The following KRT6C variants were observed in gnomAD, a reference collection of about 807,000 sequenced individuals.
The protein encoded by KRT6C is keratin 6C.
Under a neutral mutation model 49.4 loss-of-function variants are expected in KRT6C, and 46 were observed. The ratio of observed to expected loss-of-function variants is 0.93; its 90% CI spans 0.74 to 1.19. The LOEUF (loss-of-function observed/expected upper bound fraction) is 1.19, where lower values mean the gene tolerates loss of function less well. KRT6C is among the 50% of genes most tolerant of loss of function. The probability of loss-of-function intolerance (pLI) is 0.00; values close to 1 mark genes in which losing one functional copy is unlikely to be tolerated. For missense variants in KRT6C, 552 were observed against 737.5 expected (o/e 0.75, Z 2.91); for synonymous variants, 236 against 297.1 (o/e 0.79, Z 2.12).
In KRT6C at chr12:52,469,366, A is replaced by G. The variant is rs369795126; in HGVS notation, c.1459+45T>C. 2.4e-5 allele frequency: 39 copies of G among 1,613,944 alleles called. No homozygotes were observed. The African/African-American group carries it at 4.0e-4, about 17-fold the overall frequency. On this transcript the variant is annotated intron_variant, in intron 8 of 8. Coordinates refer to ENST00000252250, the MANE Select transcript of KRT6C (RefSeq NM_173086.5). The stretch of plus-strand genomic sequence containing the variant: ...TCATCCTGCCGGCCTGAGCCCAGTC[A>G]GAAGAGTGCGAGGGCAGGGGAGGAA...
At position 52,472,273 on chromosome 12, in the gene KRT6C, A is replaced by T. The variant is rs1233913017; in HGVS notation, c.548T>A (p.Phe183Tyr). Residue 183 changes from phenylalanine (F) to tyrosine (Y), a missense_variant, in exon 2 of 9, where the codon TTC (phenylalanine) becomes TAC (tyrosine). Physicochemically the swap from Phe to Tyr is conservative, Grantham distance 22. Transcript: ENST00000252250. ...CAGAACCTTGTTCTGCTGCTCTAGG[A>T]ACCGCACCTGGAAGGGAAGCAAGAT... ...KFASFIDKVR[F>Y]LEQQNKVLDT... The T allele has an allele frequency of 7.1e-7, 1 of 1,411,172 alleles. No homozygotes were observed. The highest frequency in any genetic ancestry group is 1.9e-5 in the Admixed American group (1 of 53,922). 87.4% of individuals were successfully genotyped at this position (1,411,172 alleles called of 1,614,324 possible). A position where few individuals can be genotyped will look rare whatever the true frequency, so the allele number is the denominator to read the frequency against.
Position 52,469,284 on chromosome 12 carries a change from G to A in KRT6C, c.1473C>T (p.Ser491=). 6.2e-7 allele frequency: 1 copy of A among 1,613,974 alleles called. No individual in the cohort carries two copies. The highest frequency in any genetic ancestry group is 8.5e-7 in the Non-Finnish European group (1 of 1,179,854). The stretch of plus-strand genomic sequence containing the variant: ...CACCGCCATAGCCACTGGAGATGGT[G>A]GACTGTACTACAGCTGTGGTGGGGA... The part of the protein sequence containing the change: ...VGQVNVSVVQ[S]TISSGYGGAS... The change falls in exon 9 of 9, where the codon TCC becomes TCT. Residue 491 remains serine, a synonymous_variant. Coordinates refer to ENST00000252250, the MANE Select transcript of KRT6C (RefSeq NM_173086.5).
At chr12:52,472,938 T>C (rs1240295166) in intron 1 of KRT6C, among the ~76,000 whole-genome samples, 1 of 149,674 alleles carries the variant, frequency 6.7e-6, no homozygotes, top group Non-Finnish European at 1.5e-5. Flanking sequence ...CCTACTCCAC[T>C]CTCTGATGGC....
intron 1 of KRT6C, 91 bp downstream of exon 1, chr12:52,473,107 C>T: frequency 3.7e-6 from 5 of 1,357,556 alleles, no homozygotes; most frequent in East Asian, 6.6e-5. Context: ...ATCCCCTTCT[C>T]CCTCCCTCCT....
chr12:52,471,923 T>C, intron 2 of KRT6C, 143 bp downstream of exon 2: 4 of 1,108,090 alleles, frequency 3.6e-6, no homozygotes, highest in Non-Finnish European at 4.1e-6. Context: ...CCCATAACCA[T>C]CTGTGGTTCT....
In KRT6C at chr12:52,469,464, G is replaced by A. The variant is rs778695494; in HGVS notation, c.1425-19C>T. The A allele has an allele frequency of 9.9e-6, 16 of 1,613,854 alleles. No homozygotes were observed. Among genetic ancestry groups the A allele is most frequent in the Admixed American group, 3.3e-5 (2 of 59,998 alleles). On this transcript the variant is annotated intron_variant, in intron 7 of 8. Transcript: ENST00000252250. ...ATTCAGCCTGTGGAGAGGAACACAG[G>A]GAGGGTGAGACCTCAGAGAGCTCTT...
At chr12:52,470,296 T>G (rs1937852311) in intron 6 of KRT6C, 32 of 821,820 alleles carry the variant, frequency 3.9e-5, no homozygotes, top group Middle Eastern at 2.2e-4. Context: ...ACCTGACTGT[T>G]GAGACCTGGC....
chr12:52,470,257 A>G, intron 6 of KRT6C: 1 of 626,262 alleles, frequency 1.6e-6, no homozygotes, highest in East Asian at 2.9e-5. Context: ...CAAAATTATG[A>G]CCATCTGTAG....
chr12:52,470,075 C>A (rs1374810391), intron 6 of KRT6C, 185 bp from the exon 7 acceptor site: 3 of 744,328 alleles, frequency 4.0e-6, no homozygotes, highest in Non-Finnish European at 6.7e-6. Flanking sequence ...AAGTCCTATG[C>A]CCCTTGTATT....
chr12:52,469,303 G>T lies in KRT6C; in HGVS notation c.1460-6C>A. On this transcript the variant is annotated splice_polypyrimidine_tract_variant and splice_region_variant and intron_variant, in intron 8 of 8. Coordinates refer to ENST00000252250, the MANE Select transcript of KRT6C (RefSeq NM_173086.5). Reference sequence around the variant, plus strand: ...GATGGTGGACTGTACTACAGCTGTGGTGGGGAGGGGACAAGGACACAAGAA... The same window carrying T: ...GATGGTGGACTGTACTACAGCTGTGTTGGGGAGGGGACAAGGACACAAGAA... The T allele has an allele frequency of 6.2e-7, 1 of 1,613,988 alleles. No homozygotes were observed. The highest frequency in any genetic ancestry group is 1.7e-5 in the Admixed American group (1 of 60,018).
Position 52,470,093 on chromosome 12 carries a change from C to T in KRT6C, c.1204-203G>A, listed in dbSNP as rs540067987. ...TCCTATGCCCCTTGTATTAAGCACC[C>T]GCATGAGAATGTGCGTTGCATCTTA... On this transcript the variant is annotated intron_variant, in intron 6 of 8. Coordinates refer to ENST00000252250, the MANE Select transcript of KRT6C (RefSeq NM_173086.5). 1.4e-3 allele frequency: 951 copies of T among 683,162 alleles called. 4 individuals are homozygous for T. The highest frequency in any genetic ancestry group is 2.0e-3 in the Non-Finnish European group (815 of 400,246). The allele number at this position is 683,162 out of a possible 1,614,324, so 42.3% of individuals were successfully genotyped here. A position where few individuals can be genotyped will look rare whatever the true frequency, so the allele number is the denominator to read the frequency against.
intron 5 of KRT6C, among the ~76,000 whole-genome samples, 180 bp downstream of exon 5, chr12:52,470,952 T>A (rs1453419262): frequency 2.0e-5 from 3 of 152,196 alleles, no homozygotes; most frequent in African/African-American, 7.2e-5. Flanking sequence ...TGCATTGGGT[T>A]CTTTTTCCTC....
Position 52,468,948 on chromosome 12 carries a change from A to G in KRT6C, c.*114T>C, listed in dbSNP as rs1565807201. The G allele has an allele frequency of 1.5e-6, 2 of 1,343,512 alleles. No homozygotes were observed. Among genetic ancestry groups the G allele is most frequent in the Non-Finnish European group, 2.1e-6 (2 of 954,992 alleles). 83.2% of individuals were successfully genotyped at this position (1,343,512 alleles called of 1,614,324 possible). ...GCACTAAGCATCCATACCCAGCTCT[A>G]CCTCGGAGAGCAGGGAAGACTAGAG... On this transcript the variant is annotated 3_prime_UTR_variant, in exon 9 of 9. Transcript: ENST00000252250.
intron 5 of KRT6C, 46 bp downstream of exon 5, chr12:52,471,086 A>C: frequency 6.2e-7 from 1 of 1,614,096 alleles, no homozygotes; most frequent in Non-Finnish European, 8.5e-7. Context: ...CTGGTATTCC[A>C]GGATGGACAC....
intron 6 of KRT6C, 59 bp from the exon 7 acceptor site, chr12:52,469,949 C>T: frequency 6.3e-7 from 1 of 1,594,086 alleles, no homozygotes; most frequent in Non-Finnish European, 8.6e-7. Context: ...GAGGCTGGCC[C>T]TTGTTTAGTG....
rs768458923 is a variant in KRT6C at position 52,469,196 on chromosome 12, GA to G, written c.1560del (p.Gly522AlafsTer75). ...GGGSSYSYGS[G>X]LGIGGGFSSS... Reference sequence around the variant, plus strand: ...GAACTGAAGCCACCTCCAATGCCAAGACCACTGCCATAGGAGTAGCTGCTTC... The same window carrying G: ...GAACTGAAGCCACCTCCAATGCCAAGCCACTGCCATAGGAGTAGCTGCTTC... On this transcript the variant is annotated frameshift_variant, in exon 9 of 9. Transcript: ENST00000252250. LOFTEE classifies it high-confidence loss of function. 92 of 1,613,892 alleles carry G rather than the reference GA, an allele frequency of 5.7e-5. No homozygotes were observed. Among genetic ancestry groups the G allele is most frequent in the Non-Finnish European group, 7.6e-5 (90 of 1,179,886 alleles).
rs148963047 is a variant in KRT6C at position 52,473,654 on chromosome 12, G to T, written c.84C>A (p.Val28=). 2.0e-4 allele frequency: 318 copies of T among 1,612,530 alleles called. 1 individual carries two copies. The highest frequency in any genetic ancestry group is 7.3e-4 in the Middle Eastern group (4 of 5,458). Residue 28 remains valine (V), a synonymous_variant, in exon 1 of 9, where the codon GTC becomes GTA. Transcript: ENST00000252250. ...AGATGCTGCTGAAGCCAGAGCGGCT[G>T]ACCCCAGGGAGCCTGGCTGAGTTGG... ...FSANSARLPG[V]SRSGFSSISV... is the part of the protein sequence containing the mutation.
Position 52,471,144 on chromosome 12 carries a change from C to A in KRT6C, c.1065G>T (p.Trp355Cys). The A allele has an allele frequency of 6.2e-7, 1 of 1,614,152 alleles. No homozygotes were observed. Among genetic ancestry groups the A allele is most frequent in the African/African-American group, 1.3e-5 (1 of 75,028 alleles). ...AQRSRAEAES[W>C]YQTKYEELQV... ...ACTCCCTGCTCACCTTGGTCTGGTA[C>A]CAGGACTCAGCCTCAGCCCGGCTCC... The change falls in exon 5 of 9, where the codon TGG becomes TGT. Residue 355 changes from tryptophan (W) to cysteine (C), a missense_variant. Trp to Cys is a radical substitution (Grantham distance 215). This residue lies in a region of KRT6C where 425 missense variants were observed against 439.4 expected (regional missense o/e 0.97). Coordinates refer to ENST00000252250, the MANE Select transcript of KRT6C (RefSeq NM_173086.5).
At chr12:52,470,980 T>C (rs1937868296) in intron 5 of KRT6C, 152 bp downstream of exon 5, 31 of 1,401,468 alleles carry the variant, frequency 2.2e-5, no homozygotes, top group Non-Finnish European at 2.9e-5. Flanking sequence ...TGCACATAAG[T>C]TCCCCAAATG....
Sources: gnomAD v4.1 joint callset for allele counts (sites outside exome capture counted in the v4.1 genomes callset) on GRCh38, gnomAD v4.1.1 for gene constraint, gnomAD v4.1.1 regional missense constraint, MANE v1.5 for transcripts, NCBI Gene and HGNC (gene_info 2026-07-23, HGNC 2026-07-21) for gene names.